Variants in ZNF423 observed in about 807,000 individuals in gnomAD.
ZNF423 encodes the protein zinc finger protein 423, also known as Ebf-associated zinc finger protein.
Under a neutral mutation model 95.8 loss-of-function variants are expected in ZNF423, and 12 were observed. The observed-to-expected ratio is 0.13, with a 90% CI of 0.08 to 0.20. The LOEUF (loss-of-function observed/expected upper bound fraction) is 0.20. ZNF423 is among the 10% of genes least tolerant of loss of function. The pLI is 1.00. For synonymous variants in ZNF423, 749 were observed against 711.9 expected (o/e 1.05, Z -0.83); for missense variants, 1,316 against 1,737.1 (o/e 0.76, Z 4.31).
At chr16:49,756,630 G>A (rs992488581) in intron 2 of ZNF423, among the ~76,000 whole-genome samples, 3 of 152,208 alleles carry the variant, frequency 2.0e-5, no homozygotes, top group African/African-American at 4.8e-5. Context: ...TGGACCCAGG[G>A]AAGCTTCAAG....
chr16:49,753,417 C>A (rs949150889), intron 2 of ZNF423, among the ~76,000 whole-genome samples: 32 of 142,640 alleles, frequency 2.2e-4, no homozygotes, highest in Non-Finnish European at 3.5e-4. Context: ...GCCTGGGCAA[C>A]ATAGCAAGAC....
chr16:49,589,420 T>C (rs1464741151), intron 5 of ZNF423, among the ~76,000 whole-genome samples: 2 of 152,360 alleles, frequency 1.3e-5, no homozygotes, highest in African/African-American at 2.4e-5. Context: ...ACTTTTCAAA[T>C]GCCCAAATCC....
In ZNF423 at chr16:49,855,223, G is replaced by A. The variant is rs1421168848; in HGVS notation, c.40+512C>T. The stretch of plus-strand genomic sequence containing the variant: ...CGCCCGCCGCTCCCCGCGTCCTCGG[G>A]CGACCAGGCAGGGGCCAGAGAGAGC... On this transcript the variant is annotated intron_variant, in intron 1 of 7. Transcript: ENST00000563137. This position sits in a 1 kb window ranked among gnomAD's most constrained non-coding sequence, Gnocchi z 4.7. 2.9e-5 allele frequency among the ~76,000 whole-genome samples: 4 copies of A among 136,804 alleles called. No individual in the cohort carries two copies. The highest frequency in any genetic ancestry group is 6.6e-5 in the Non-Finnish European group (4 of 60,434). The allele number at this position is 136,804 out of a possible 152,430, so 89.7% of individuals were successfully genotyped here. A position where few individuals can be genotyped will look rare whatever the true frequency, so the allele number is the denominator to read the frequency against.
intron 2 of ZNF423, among the ~76,000 whole-genome samples, chr16:49,739,323 G>A (rs1386915772): frequency 2.6e-5 from 4 of 152,178 alleles, no homozygotes; most frequent in Non-Finnish European, 4.4e-5. Flanking sequence ...AGCTGGAGGC[G>A]TCAAACCCGG....
intron 4 of ZNF423, among the ~76,000 whole-genome samples, chr16:49,630,465 A>G (rs1972458583): frequency 6.6e-6 from 1 of 152,156 alleles, no homozygotes; most frequent in Non-Finnish European, 1.5e-5. Context: ...GGGAAGCTTC[A>G]TCACAAGGAA....
intron 5 of ZNF423, among the ~76,000 whole-genome samples, chr16:49,560,445 G>T (rs981715171): frequency 2.0e-5 from 3 of 152,212 alleles, no homozygotes; most frequent in African/African-American, 7.2e-5. Flanking sequence ...CGGTTGGGCT[G>T]GGATTTCAAG....
At chr16:49,619,128 G>A (rs568571824) in intron 5 of ZNF423, among the ~76,000 whole-genome samples, 13 of 152,254 alleles carry the variant, frequency 8.5e-5, no homozygotes, top group Admixed American at 2.6e-4. Flanking sequence ...CTGATTAGGT[G>A]TAACCTCTTC....
chr16:49,810,431 GCCTTC>G (rs1277153084), intron 1 of ZNF423, among the ~76,000 whole-genome samples: 1 of 152,054 alleles, frequency 6.6e-6, no homozygotes, highest in African/African-American at 2.4e-5. Flanking sequence ...TATCCAAGAG[GCCTTC>G]CCAGATCCCT....
rs190606017 is a variant in ZNF423, at chr16:49,565,316, G to A, written c.3602-39822C>T. 6.4e-4 allele frequency among the ~76,000 whole-genome samples: 98 copies of A among 152,184 alleles called. No homozygotes were observed. The East Asian group carries it at 6.6e-3, about 10-fold the overall frequency. ...CCTTAAACCAAGAGGTTCCCCACCC[G>A]AACAACCAGGAAACTTTCAAAAAGC... On this transcript the variant is annotated intron_variant, in intron 5 of 7. Transcript: ENST00000563137.
chr16:49,781,356 G>C (rs2034208978), intron 2 of ZNF423, among the ~76,000 whole-genome samples: 4 of 152,174 alleles, frequency 2.6e-5, no homozygotes, highest in Non-Finnish European at 1.5e-5. Context: ...AAGGGCTCCA[G>C]CACAGACACT....
intron 5 of ZNF423, among the ~76,000 whole-genome samples, chr16:49,597,788 C>T (rs1470331802): frequency 6.6e-6 from 1 of 152,114 alleles, no homozygotes; most frequent in Non-Finnish European, 1.5e-5. Flanking sequence ...TAAGAGGGCA[C>T]AATACTCAGA....
chr16:49,797,480 A>C (rs2034516609), intron 1 of ZNF423, among the ~76,000 whole-genome samples: 1 of 152,222 alleles, frequency 6.6e-6, no homozygotes, highest in African/African-American at 2.4e-5. Flanking sequence ...TCAAATGACC[A>C]GGGTCAAGTG....
intron 4 of ZNF423, among the ~76,000 whole-genome samples, chr16:49,627,835 C>T (rs1972352970): frequency 6.7e-6 from 1 of 149,514 alleles, no homozygotes; most frequent in Non-Finnish European, 1.5e-5. Context: ...CACACCCATC[C>T]ATCCACCCAT....
chr16:49,808,267 G>T (rs1470824669), intron 1 of ZNF423, among the ~76,000 whole-genome samples: 1 of 151,972 alleles, frequency 6.6e-6, no homozygotes, highest in Non-Finnish European at 1.5e-5. Context: ...TTACCATGTT[G>T]TCTAGGCTGG....
In ZNF423 at chr16:49,621,505, G is replaced by A. The variant is rs2033340676; in HGVS notation, c.3601+4665C>T. On this transcript the variant is annotated intron_variant, in intron 5 of 7. Transcript: ENST00000563137. ...CAGAGGCCCCCGCTATAAAAAGGCC[G>A]GTTTACCGCCCCGCAGGGGAGCTCT... 3.3e-5 allele frequency among the ~76,000 whole-genome samples: 5 copies of A among 152,088 alleles called. 1 individual carries two copies. Among genetic ancestry groups the A allele is most frequent in the Admixed American group, 2.0e-4 (3 of 15,274 alleles).
rs556040959 is a variant in ZNF423, at chr16:49,849,889, G to A, written c.40+5846C>T. ...TGTTTTCACAGCACCAATCTATAAC[G>A]CTGGGAGGCCGTCCCGCTGTCAGCG... On this transcript the variant is annotated intron_variant, in intron 1 of 7. Transcript: ENST00000563137. 5.3e-5 allele frequency among the ~76,000 whole-genome samples: 8 copies of A among 152,186 alleles called. No individual in the cohort carries two copies. The East Asian group carries it at 1.5e-3, about 29-fold the overall frequency.
rs980030724 is a variant in ZNF423 at position 49,633,593 on chromosome 16, C to T, written c.3516+2067G>A. 3.9e-5 allele frequency among the ~76,000 whole-genome samples: 6 copies of T among 152,296 alleles called. No homozygotes were observed. The South Asian group carries it at 8.3e-4, about 21-fold the overall frequency. On this transcript the variant is annotated intron_variant, in intron 4 of 7. Coordinates refer to ENST00000563137, the MANE Select transcript of ZNF423 (RefSeq NM_001379286.1). ...CAGAGGCCCAGAGAGGTCAAATTAC[C>T]GCTGGGTCCTGGGAGAAGGAGATTT...
intron 3 of ZNF423, among the ~76,000 whole-genome samples, chr16:49,656,806 AT>A (rs2151910022): frequency 6.6e-6 from 1 of 152,304 alleles, no homozygotes; most frequent in East Asian, 1.9e-4. Context: ...AAGAAAAAAA[AT>A]GAGTTGTCTC....
intron 5 of ZNF423, among the ~76,000 whole-genome samples, chr16:49,525,716 A>G (rs1236353636): frequency 6.6e-6 from 1 of 152,072 alleles, no homozygotes; most frequent in Non-Finnish European, 1.5e-5. Context: ...TGGCCCTTGG[A>G]GGTGCCATTT....
Sources: gnomAD v4.1 joint callset for allele counts (sites outside exome capture counted in the v4.1 genomes callset) on GRCh38, gnomAD v4.1.1 for gene constraint, Gnocchi (gnomAD v3.1) non-coding constraint, MANE v1.5 for transcripts, NCBI Gene and HGNC (gene_info 2026-07-23, HGNC 2026-07-21) for gene names.